ZBTB8A: variants seen among roughly 807,000 people sequenced by gnomAD.
ZBTB8A encodes the protein zinc finger and BTB domain-containing protein 8A.
A neutral mutation model predicts 37.8 loss-of-function variants in ZBTB8A; 19 were observed. The ratio of observed to expected loss-of-function variants is 0.50; its 90% CI spans 0.35 to 0.74. The LOEUF is 0.74. Ranked by LOEUF, ZBTB8A falls within the 30% of genes least tolerant of loss-of-function variation. The pLI, the probability that ZBTB8A is intolerant of heterozygous loss-of-function variation, is 0.01. For synonymous variants in ZBTB8A, 181 were observed against 185.2 expected (o/e 0.98, Z 0.19); for missense variants, 394 against 537.8 (o/e 0.73, Z 2.65).
Position 32,584,766 on chromosome 1 carries a change from C to T in ZBTB8A, c.-1-8165C>T, listed in dbSNP as rs192413681. Among the ~76,000 whole-genome samples, 499 of 150,014 alleles carry T rather than the reference C, an allele frequency of 3.3e-3. 8 individuals are homozygous for T. The highest frequency in any genetic ancestry group is 0.012 in the African/African-American group (476 of 40,794). On this transcript the variant is annotated intron_variant, in intron 2 of 4. Coordinates refer to ENST00000373510, the MANE Select transcript of ZBTB8A (RefSeq NM_001040441.3). ...AACTCCTGGGCTCAAGTGATCCTCC[C>T]GCCTTGGCCTCCCAAAGTGCCGCGA... is the stretch of plus-strand genomic sequence containing the variant.
At chr1:32,583,168 C>T (rs2148242535) in intron 2 of ZBTB8A, among the ~76,000 whole-genome samples, 2 of 152,016 alleles carry the variant, frequency 1.3e-5, no homozygotes, top group South Asian at 4.2e-4. Flanking sequence ...ATTGCTTGAG[C>T]CCAGGAGTTT....
At chr1:32,571,868 C>T (rs1411885674) in intron 2 of ZBTB8A, among the ~76,000 whole-genome samples, 2 of 151,970 alleles carry the variant, frequency 1.3e-5, no homozygotes, top group East Asian at 1.9e-4. Context: ...TGAACCACTG[C>T]GCCCGGCCAC....
At chr1:32,559,278 A>C (rs1176931424) in intron 2 of ZBTB8A, among the ~76,000 whole-genome samples, 1 of 151,706 alleles carries the variant, frequency 6.6e-6, no homozygotes, top group African/African-American at 2.4e-5. Flanking sequence ...CACCTGGCTA[A>C]TTTTTCTATT....
intron 4 of ZBTB8A, among the ~76,000 whole-genome samples, chr1:32,597,993 A>AT (rs1644545979): frequency 6.7e-6 from 1 of 150,338 alleles, no homozygotes; most frequent in South Asian, 2.1e-4. Context: ...GCCTCAAGTG[A>AT]TCCACCCACC....
At chr1:32,585,340 G>A (rs567926929) in intron 2 of ZBTB8A, among the ~76,000 whole-genome samples, 1 of 151,936 alleles carries the variant, frequency 6.6e-6, no homozygotes, top group East Asian at 1.9e-4. Flanking sequence ...TAAACCATTA[G>A]AATAAGAGAC....
intron 1 of ZBTB8A, among the ~76,000 whole-genome samples, chr1:32,548,730 T>A (rs1200059278): frequency 1.3e-5 from 2 of 152,102 alleles, no homozygotes; most frequent in Non-Finnish European, 2.9e-5. Context: ...GTTTAGATAA[T>A]TAATAATAAT....
intron 2 of ZBTB8A, among the ~76,000 whole-genome samples, chr1:32,582,742 A>C (rs1335458984): frequency 6.6e-6 from 1 of 152,168 alleles, no homozygotes; most frequent in African/African-American, 2.4e-5. Flanking sequence ...CTTGTCTGAC[A>C]TAACCATGCA....
chr1:32,596,898 C>T (rs1425025469), intron 4 of ZBTB8A, among the ~76,000 whole-genome samples: 1 of 152,132 alleles, frequency 6.6e-6, no homozygotes, highest in Non-Finnish European at 1.5e-5. Flanking sequence ...GTCAGAATCA[C>T]CACTGTAGAT....
In ZBTB8A at chr1:32,595,180, A is replaced by G. The variant is rs1353635923; in HGVS notation, c.950A>G (p.Lys317Arg). The G allele has an allele frequency of 6.2e-7, 1 of 1,614,252 alleles. No homozygotes were observed. The highest frequency in any genetic ancestry group is 8.5e-7 in the Non-Finnish European group (1 of 1,180,046). The change falls in exon 4 of 5, where the codon AAA (lysine) becomes AGA (arginine). Residue 317 changes from lysine to arginine, a missense_variant. Around this residue, in one of 4 missense-constraint regions of ZBTB8A, gnomAD observed 42 missense variants for 96.4 expected, o/e 0.44. Transcript: ENST00000373510. The part of the protein sequence containing the change: ...ERPYPCQACG[K>R]RFSRLDHLSS... ...CCCTATCCATGTCAAGCTTGTGGAAAAAGATTTAGCAGGCTAGACCATCTA... is the reference window on the plus strand; with the variant it reads ...CCCTATCCATGTCAAGCTTGTGGAAGAAGATTTAGCAGGCTAGACCATCTA...
chr1:32,589,717 T>G (rs1644474274), intron 2 of ZBTB8A, among the ~76,000 whole-genome samples: 1 of 151,030 alleles, frequency 6.6e-6, no homozygotes, highest in Non-Finnish European at 1.5e-5. Flanking sequence ...GCCTGGCTGA[T>G]TTTTTGGTAT....
At chr1:32,592,466 G>A (rs555090881) in intron 2 of ZBTB8A, among the ~76,000 whole-genome samples, 1 of 152,010 alleles carries the variant, frequency 6.6e-6, no homozygotes, top group East Asian at 2.0e-4. Flanking sequence ...CTTGAAACCA[G>A]GAGTTCAAGG....
At position 32,595,213 on chromosome 1, in the gene ZBTB8A, A is replaced by T. The variant is rs1644520824; in HGVS notation, c.983A>T (p.His328Leu). Residue 328 changes from histidine (H) to leucine (L), a missense_variant, in exon 4 of 5, where the codon CAT (histidine) becomes CTT (leucine). Coordinates refer to ENST00000373510, the MANE Select transcript of ZBTB8A (RefSeq NM_001040441.3). ...AGCAGGCTAGACCATCTAAGTAGCC[A>T]TTTTCGAACAGTATGTATGATTTTT... ...RFSRLDHLSS[H>L]FRTIHQACKL... The T allele has an allele frequency of 6.2e-7, 1 of 1,612,792 alleles. No individual in the cohort carries two copies. Among genetic ancestry groups the T allele is most frequent in the Admixed American group, 1.7e-5 (1 of 59,474 alleles).
chr1:32,550,755 G>A (rs895242293), intron 1 of ZBTB8A, among the ~76,000 whole-genome samples: 2 of 152,054 alleles, frequency 1.3e-5, no homozygotes, highest in Admixed American at 6.6e-5. Flanking sequence ...TCAGGAGTTC[G>A]AGACCAGCTT....
At chr1:32,572,604 C>T (rs1644330236) in intron 2 of ZBTB8A, among the ~76,000 whole-genome samples, 1 of 152,078 alleles carries the variant, frequency 6.6e-6, no homozygotes, top group African/African-American at 2.4e-5. Flanking sequence ...CCATGTTGGC[C>T]AGGCTAGTCT....
In ZBTB8A at chr1:32,581,441, C is replaced by G. The variant is rs186981071; in HGVS notation, c.-1-11490C>G. On this transcript the variant is annotated intron_variant, in intron 2 of 4. Coordinates refer to ENST00000373510, the MANE Select transcript of ZBTB8A (RefSeq NM_001040441.3). ...ACCTTGGCTCACTGCAACCTCCATC[C>G]CCCAGGTTCAAGCGATTCTTCTGCC... is the stretch of plus-strand genomic sequence containing the variant. Among the ~76,000 whole-genome samples the G allele has an allele frequency of 7.6e-3, 1,130 of 148,476 alleles. 18 individuals carry two copies. Among genetic ancestry groups the G allele is most frequent in the African/African-American group, 0.026 (1,050 of 40,168 alleles).
rs1644030062 is a variant in ZBTB8A at position 32,539,518 on chromosome 1, C to T, written c.-138C>T. ...AAGGGGGTCCTTCCCCAGCCGAGAACCAGGAATCTTCCCTCGGCCCGCGCG... is the reference window on the plus strand; with the variant it reads ...AAGGGGGTCCTTCCCCAGCCGAGAATCAGGAATCTTCCCTCGGCCCGCGCG... On this transcript the variant is annotated 5_prime_UTR_variant, in exon 1 of 5. Transcript: ENST00000373510. The T allele has an allele frequency of 2.0e-5, 3 of 151,952 alleles. No individual in the cohort carries two copies. The highest frequency in any genetic ancestry group is 7.2e-5 in the African/African-American group (3 of 41,392). The allele number at this position is 151,952 out of a possible 1,614,324, so 9.4% of individuals were successfully genotyped here. A position where few individuals can be genotyped will look rare whatever the true frequency, so the allele number is the denominator to read the frequency against.
intron 1 of ZBTB8A, among the ~76,000 whole-genome samples, chr1:32,544,262 C>G (rs530832865): frequency 9.2e-5 from 14 of 152,232 alleles, no homozygotes; most frequent in African/African-American, 3.1e-4. Context: ...ATAGAATGTA[C>G]TTACACAAAC....
rs764649415 is a variant in ZBTB8A, at chr1:32,593,106, G to T, written c.175G>T (p.Glu59Ter). The T allele has an allele frequency of 6.2e-7, 1 of 1,614,182 alleles. No homozygotes were observed. The highest frequency in any genetic ancestry group is 2.2e-5 in the East Asian group (1 of 44,874). The change falls in exon 3 of 5, where the codon GAG (glutamate) becomes TAG (stop). Residue 59 changes from glutamate to a stop codon, truncating the protein, a stop_gained. Transcript: ENST00000373510. LOFTEE classifies it high-confidence loss of function. ...FKMLLSQNSK[E>*]TSQPTTATFQ... ...AATGCTTCTTTCTCAGAATTCAAAGGAGACGAGTCAGCCAACCACAGCTAC... is the reference window on the plus strand; with the variant it reads ...AATGCTTCTTTCTCAGAATTCAAAGTAGACGAGTCAGCCAACCACAGCTAC...
In ZBTB8A at chr1:32,604,232, G is replaced by A. The variant is rs1416121232; in HGVS notation, c.*3813G>A. On this transcript the variant is annotated 3_prime_UTR_variant, in exon 5 of 5. Coordinates refer to ENST00000373510, the MANE Select transcript of ZBTB8A (RefSeq NM_001040441.3). ...CTGCAGTCATGCCTAGTGTCTGGGA[G>A]AAACAAAATGGACTAGACCTGCAGT... 6.6e-6 allele frequency: 1 copy of A among 152,162 alleles called. No individual in the cohort carries two copies. Among genetic ancestry groups the A allele is most frequent in the Non-Finnish European group, 1.5e-5 (1 of 68,026 alleles). 9.4% of individuals were successfully genotyped at this position (152,162 alleles called of 1,614,324 possible). A position where few individuals can be genotyped will look rare whatever the true frequency, so the allele number is the denominator to read the frequency against.
Sources: allele counts gnomAD v4.1 joint callset (sites outside exome capture counted in the v4.1 genomes callset), GRCh38; gene constraint gnomAD v4.1.1; regional missense constraint gnomAD v4.1.1; transcripts MANE v1.5; gene names NCBI Gene and HGNC (gene_info 2026-07-23, HGNC 2026-07-21).